The following PCDHGA6 variants were observed in gnomAD, a reference collection of about 807,000 sequenced individuals.
PCDHGA6 encodes protocadherin gamma subfamily A, 6, also known as protocadherin gamma-A6.
In PCDHGA6, 41 loss-of-function variants were observed where a neutral mutation model predicts 60.6. That is an observed-to-expected ratio of 0.68 (90% CI 0.53 to 0.88). The LOEUF is 0.88. PCDHGA6 is among the 40% of genes least tolerant of loss of function. PCDHGA6 has a pLI of 0.00. For missense variants in PCDHGA6, 1,312 were observed against 1,203.0 expected, an observed-to-expected ratio of 1.09 and a Z score of -1.34; for synonymous variants, 594 against 524.4, an observed-to-expected ratio of 1.13 and a Z score of -1.81.
chr5:141,480,265 A>G (rs1041908141), intron 1 of PCDHGA6, among the ~76,000 whole-genome samples: 2 of 151,784 alleles, frequency 1.3e-5, no homozygotes, highest in African/African-American at 2.4e-5. Context: ...ATGTGTTTTC[A>G]TTAGCTGGGT....
intron 1 of PCDHGA6, among the ~76,000 whole-genome samples, chr5:141,470,181 A>G (rs974401154): frequency 3.9e-5 from 6 of 152,236 alleles, no homozygotes; most frequent in African/African-American, 9.6e-5. Flanking sequence ...AAAATATTCA[A>G]GTAAACTTCA....
chr5:141,464,200 G>C (rs1331779739), intron 1 of PCDHGA6, among the ~76,000 whole-genome samples: 1 of 149,856 alleles, frequency 6.7e-6, no homozygotes, highest in Non-Finnish European at 1.5e-5. Flanking sequence ...AGGAGGCGGA[G>C]ATTGCAGTGA....
chr5:141,408,390 C>T (rs375719639), intron 1 of PCDHGA6: 1 of 1,613,902 alleles, frequency 6.2e-7, no homozygotes, highest in East Asian at 2.2e-5. Context: ...GATGTGTCGG[C>T]TCGCAAGCTG....
rs778589637 is a variant in PCDHGA6 at position 141,487,133 on chromosome 5, C to T, written c.2425-7674C>T. On this transcript the variant is annotated intron_variant, in intron 1 of 3. Coordinates refer to ENST00000517434, the MANE Select transcript of PCDHGA6 (RefSeq NM_018919.3). The surrounding 1 kb of genome is among the most constrained non-coding windows in gnomAD (Gnocchi z 5.0). ...TGTGGTAAAGGATAGTGGTAGTCCA[C>T]CACTCTCTACCTCTGTTACTCTCTT... 8.7e-6 allele frequency: 14 copies of T among 1,613,932 alleles called. No homozygotes were observed. In the South Asian group the frequency reaches 1.5e-4, roughly 18 times the overall value.
rs781705381 is a variant in PCDHGA6 at position 141,375,671 on chromosome 5, C to T, written c.1588C>T (p.Leu530=). 14 of 1,614,148 alleles carry T rather than the reference C, an allele frequency of 8.7e-6. No homozygotes were observed. Among genetic ancestry groups the T allele is most frequent in the South Asian group, 7.7e-5 (7 of 91,094 alleles). Residue 530 remains leucine (L), a synonymous_variant, in exon 1 of 4, where the codon CTG becomes TTG. Transcript: ENST00000517434. ...FDYEQLRDLQ[L]WVTASDSGDP... ...CTATGAGCAGTTGAGAGACCTACAG[C>T]TGTGGGTGACAGCCAGCGACAGCGG... is the stretch of plus-strand genomic sequence containing the variant.
intron 1 of PCDHGA6, chr5:141,475,983 C>A: frequency 9.5e-7 from 1 of 1,049,244 alleles, no homozygotes; most frequent in Non-Finnish European, 1.4e-6. Context: ...GAACAGCCGG[C>A]GAGCAAATCA....
chr5:141,394,679 C>T (rs532730881), intron 1 of PCDHGA6: 1 of 1,612,552 alleles, frequency 6.2e-7, no homozygotes, highest in African/African-American at 1.3e-5. Context: ...TGGGTCTGCA[C>T]ACGGGCGAGG....
rs1258752203 is a variant in PCDHGA6, at chr5:141,431,160, G to C, written c.2424+54653G>C. On this transcript the variant is annotated intron_variant, in intron 1 of 3. Coordinates refer to ENST00000517434, the MANE Select transcript of PCDHGA6 (RefSeq NM_018919.3). The surrounding 1 kb of genome is among the most constrained non-coding windows in gnomAD (Gnocchi z 4.8). ...ATTAACGACAATGCGCCTTACTTTC[G>C]TGAAAGTGAATTAGAAATAAAAATT... is the stretch of plus-strand genomic sequence containing the variant. The C allele has an allele frequency of 6.2e-7, 1 of 1,614,198 alleles. No homozygotes were observed. Among genetic ancestry groups the C allele is most frequent in the South Asian group, 1.1e-5 (1 of 91,084 alleles).
chr5:141,407,706 G>C (rs1350991580), intron 1 of PCDHGA6, among the ~76,000 whole-genome samples: 3 of 152,006 alleles, frequency 2.0e-5, no homozygotes, highest in Admixed American at 1.3e-4. Context: ...GTTGAAGGTG[G>C]GGTGATGGCT....
rs755190782 is a variant in PCDHGA6, at chr5:141,376,036, G to A, written c.1953G>A (p.Gln651=). 8 of 1,613,116 alleles carry A rather than the reference G, an allele frequency of 5.0e-6. No individual in the cohort carries two copies. The highest frequency in any genetic ancestry group is 1.1e-5 in the South Asian group (1 of 91,050). ...SLVVAVQDHG[Q]PPLSATVTLT... ...TGGTGGCCGTCCAGGACCACGGCCA[G>A]CCCCCTCTCTCCGCCACTGTCACGC... Residue 651 remains glutamine, a synonymous_variant, in exon 1 of 4, where the codon CAG becomes CAA. Coordinates refer to ENST00000517434, the MANE Select transcript of PCDHGA6 (RefSeq NM_018919.3).
chr5:141,503,506 G>A (rs2099820313), intron 2 of PCDHGA6, among the ~76,000 whole-genome samples: 1 of 151,616 alleles, frequency 6.6e-6, no homozygotes, highest in African/African-American at 2.4e-5. Context: ...GGCTGAGGCA[G>A]GAGAATCACT....
chr5:141,384,766 A>G, intron 1 of PCDHGA6: 2 of 1,613,916 alleles, frequency 1.2e-6, no homozygotes, highest in Non-Finnish European at 1.7e-6. Flanking sequence ...TGGGCTGTAC[A>G]CGGGCGAGGT....
At position 141,511,127 on chromosome 5, in the gene PCDHGA6, G is replaced by C; in HGVS notation, c.2753G>C (p.Gly918Ala). 1 of 1,614,194 alleles carries C rather than the reference G, an allele frequency of 6.2e-7. No individual in the cohort carries two copies. Among genetic ancestry groups the C allele is most frequent in the Non-Finnish European group, 8.5e-7 (1 of 1,180,018 alleles). The change falls in exon 4 of 4, where the codon GGT becomes GCT. Residue 918 changes from glycine to alanine, a missense_variant. Coordinates refer to ENST00000517434, the MANE Select transcript of PCDHGA6 (RefSeq NM_018919.3). ...AGKRDGKAPA[G>A]GNGNKKKSGK... ...AAGCGGGATGGCAAGGCCCCAGCAG[G>C]TGGCAATGGCAACAAGAAGAAGTCG...
intron 1 of PCDHGA6, among the ~76,000 whole-genome samples, chr5:141,482,530 CAAAA>C (rs3074545): frequency 9.1e-5 from 7 of 76,540 alleles, no homozygotes; most frequent in South Asian, 4.6e-4. Flanking sequence ...GACAGACATG[CAAAA>C]AAAAAAAAAA....
intron 1 of PCDHGA6, chr5:141,404,364 T>A (rs1353392173): frequency 2.5e-6 from 4 of 1,613,962 alleles, no homozygotes; most frequent in Non-Finnish European, 3.4e-6. Context: ...GGTACTTCCA[T>A]CTTCTCCGTG....
chr5:141,404,466 T>C lies in PCDHGA6; in HGVS notation c.2424+27959T>C, dbSNP rs536211455. ...CAAGGGTCTCCTCTCTCCACCTATG[T>C]CTCTATTAACTCAGACACTGGTGTG... On this transcript the variant is annotated intron_variant, in intron 1 of 3. Transcript: ENST00000517434. 28 of 1,613,558 alleles carry C rather than the reference T, an allele frequency of 1.7e-5. No individual in the cohort carries two copies. Among genetic ancestry groups the C allele is most frequent in the East Asian group, 2.2e-5 (1 of 44,882 alleles).
chr5:141,409,205 A>G (rs766592481), intron 1 of PCDHGA6: 3 of 1,614,068 alleles, frequency 1.9e-6, no homozygotes, highest in Non-Finnish European at 1.7e-6. Context: ...TAAAGTAATC[A>G]TAGAAATCCT....
chr5:141,485,949 T>C lies in PCDHGA6; in HGVS notation c.2425-8858T>C. Reference sequence around the variant, plus strand: ...GTGTTGGAGAGCGCACCAGCGGGCATGGTGCTCATCCAGCTCAATGCCTCA... The same window carrying C: ...GTGTTGGAGAGCGCACCAGCGGGCACGGTGCTCATCCAGCTCAATGCCTCA... On this transcript the variant is annotated intron_variant, in intron 1 of 3. Transcript: ENST00000517434. This position sits in a 1 kb window ranked among gnomAD's most constrained non-coding sequence, Gnocchi z 5.7. 2 of 1,614,178 alleles carry C rather than the reference T, an allele frequency of 1.2e-6. No individual in the cohort carries two copies.
chr5:141,412,020 C>G (rs1158851404), intron 1 of PCDHGA6: 1 of 145,358 alleles, frequency 6.9e-6, no homozygotes, highest in Non-Finnish European at 1.5e-5. Context: ...TCTGAACATC[C>G]TGTTCTCTGT....
Sources: allele counts gnomAD v4.1 joint callset (sites outside exome capture counted in the v4.1 genomes callset), GRCh38; gene constraint gnomAD v4.1.1; non-coding constraint Gnocchi (gnomAD v3.1); transcripts MANE v1.5; gene names NCBI Gene and HGNC (gene_info 2026-07-23, HGNC 2026-07-21).